Variants in CLEC4A observed in about 807,000 individuals in gnomAD.
CLEC4A encodes C-type (calcium dependent, carbohydrate-recognition domain) lectin, superfamily member 6.
CLEC4A carries 27 observed loss-of-function variants against 32.7 expected under a neutral mutation model. That is an observed-to-expected ratio of 0.83 (90% CI 0.61 to 1.14). The LOEUF is 1.14. Among genes scored for constraint, CLEC4A ranks in the 50% most tolerant of loss-of-function variants. The probability of loss-of-function intolerance (pLI) is 0.00; values close to 1 mark genes in which losing one functional copy is unlikely to be tolerated. For missense variants in CLEC4A, 253 were observed against 274.6 expected, an observed-to-expected ratio of 0.92 and a Z score of 0.55; for synonymous variants, 89 against 93.7, an observed-to-expected ratio of 0.95 and a Z score of 0.29.
the CLEC4A span, among the ~76,000 whole-genome samples, chr12:8,115,777 A>G: frequency 2.0e-5 from 3 of 151,518 alleles, no homozygotes; most frequent in Non-Finnish European, 2.9e-5. Context: ...TAATATACAT[A>G]TATGTCATAT....
intron 5 of CLEC4A, among the ~76,000 whole-genome samples, chr12:8,137,742 C>T (rs2120648777): frequency 6.6e-6 from 1 of 152,040 alleles, no homozygotes; most frequent in Non-Finnish European, 1.5e-5. Flanking sequence ...TACTAGTTCT[C>T]TAGACTTTAA....
At chr12:8,110,239 C>T in the CLEC4A span, among the ~76,000 whole-genome samples, 493 of 152,114 alleles carry the variant, frequency 3.2e-3, no homozygotes, top group Admixed American at 0.015. Flanking sequence ...AATTCTTACC[C>T]TCTGGGGTGA....
intron 5 of CLEC4A, 90 bp from the exon 6 acceptor site, chr12:8,138,050 T>C (rs112761093): frequency 7.1e-7 from 1 of 1,413,488 alleles, no homozygotes; most frequent in Non-Finnish European, 9.5e-7. Flanking sequence ...CTATGTTCCA[T>C]GAAATTCATC....
At chr12:8,134,855 G>A (rs746470886) in intron 3 of CLEC4A, 60 of 1,536,220 alleles carry the variant, frequency 3.9e-5, no homozygotes, top group Non-Finnish European at 5.1e-5. Context: ...CCGCCATGGG[G>A]AAGGAAGGCG....
At chr12:8,121,550 C>T (rs1947830691), upstream of CLEC4A, 1 of 152,442 alleles carries the variant, frequency 6.6e-6, no homozygotes, top group South Asian at 2.1e-4. Context: ...AGGGTATTGG[C>T]TTGACAGTGG....
the CLEC4A span, among the ~76,000 whole-genome samples, chr12:8,116,063 C>T: frequency 2.6e-5 from 4 of 151,918 alleles, no homozygotes; most frequent in African/African-American, 4.8e-5. Context: ...CAGGCTCAAG[C>T]GATTCTTCTG....
chr12:8,135,815 T>C, intron 4 of CLEC4A, 79 bp downstream of exon 4: 1 of 1,479,408 alleles, frequency 6.8e-7, no homozygotes, highest in Admixed American at 2.1e-5. Flanking sequence ...GAGGTTTTTG[T>C]TACTTTGGGA....
chr12:8,128,023 A>G (rs111753019), intron 2 of CLEC4A, among the ~76,000 whole-genome samples: 5 of 152,204 alleles, frequency 3.3e-5, no homozygotes, highest in African/African-American at 1.2e-4. Context: ...AGTCCTTCAC[A>G]TAGAGGTAGC....
At chr12:8,134,963 T>C in intron 3 of CLEC4A, 1 of 987,482 alleles carries the variant, frequency 1.0e-6, no homozygotes. Flanking sequence ...CTGTATCTTC[T>C]TGTTGAAGCG....
rs144016421 is a variant in CLEC4A, at chr12:8,133,455, G to A, written c.299-2130G>A. Among the ~76,000 whole-genome samples, 6 of 150,890 alleles carry A rather than the reference G, an allele frequency of 4.0e-5. No homozygotes were observed. In the South Asian group the frequency reaches 6.3e-4, roughly 16 times the overall value. ...CTTCATTCTGCTGAGTCCATCCACT[G>A]AGCTTTTTATTTTGGTTATTATATT... On this transcript the variant is annotated intron_variant, in intron 3 of 5. Transcript: ENST00000229332.
chr12:8,129,195 G>C (rs1947951218), intron 2 of CLEC4A, 69 bp from the exon 3 acceptor site: 1 of 979,196 alleles, frequency 1.0e-6, no homozygotes. Flanking sequence ...AAGAATGCAA[G>C]AAAGTAACGA....
intron 3 of CLEC4A, among the ~76,000 whole-genome samples, chr12:8,135,055 T>TTGG (rs1948088584): frequency 1.2e-5 from 1 of 80,096 alleles, no homozygotes; most frequent in Non-Finnish European, 2.6e-5. Context: ...ATCTTTTTTT[T>TTGG]TTTTTTTTTT....
rs1389379274 is a variant in CLEC4A at position 8,135,648 on chromosome 12, C to T, written c.362C>T (p.Ser121Phe). ...KSFSSNCYFI[S>F]TESASWQDSE... ...TTTAGTTCCAACTGCTACTTTATTT[C>T]TACTGAATCAGCATCTTGGCAAGAC... The change falls in exon 4 of 6, where the codon TCT (serine) becomes TTT (phenylalanine). Residue 121 changes from serine to phenylalanine, a missense_variant. Transcript: ENST00000229332. 2 of 1,614,206 alleles carry T rather than the reference C, an allele frequency of 1.2e-6. No homozygotes were observed. Among genetic ancestry groups the T allele is most frequent in the Non-Finnish European group, 1.7e-6 (2 of 1,180,008 alleles).
intron 3 of CLEC4A, chr12:8,133,982 C>T (rs899128144): frequency 1.9e-6 from 3 of 1,608,156 alleles, no homozygotes; most frequent in Non-Finnish European, 2.5e-6. Context: ...TTGTGCATAG[C>T]CACTGCTTGA....
rs1187858911 is a variant in CLEC4A, at chr12:8,135,047, CTTTTTT to C, written c.299-521_299-516del. 1.4e-3 allele frequency among the ~76,000 whole-genome samples: 13 copies of C among 9,020 alleles called. 1 individual carries two copies. The highest frequency in any genetic ancestry group is 3.8e-3 in the African/African-American group (12 of 3,178). The allele number at this position is 9,020 out of a possible 152,430, so 5.9% of individuals were successfully genotyped here. A position where few individuals can be genotyped will look rare whatever the true frequency, so the allele number is the denominator to read the frequency against. ...CAGATAATTCTAACAATTTTATTAT[CTTTTTT>C]TTTTTTTTTTTTTTTTGAGACAGGT... On this transcript the variant is annotated intron_variant, in intron 3 of 5. Coordinates refer to ENST00000229332, the MANE Select transcript of CLEC4A (RefSeq NM_016184.4).
At chr12:8,117,743 A>G in the CLEC4A span, among the ~76,000 whole-genome samples, 1 of 152,184 alleles carries the variant, frequency 6.6e-6, no homozygotes, top group Non-Finnish European at 1.5e-5. Flanking sequence ...GCTTTCAAGT[A>G]TTTATGGTAC....
chr12:8,112,362 T>A, the CLEC4A span, among the ~76,000 whole-genome samples: 2 of 152,302 alleles, frequency 1.3e-5, no homozygotes, highest in African/African-American at 4.8e-5. Context: ...TCAACCCTTG[T>A]CTCCCTTCCT....
At chr12:8,109,945 G>C in the CLEC4A span, among the ~76,000 whole-genome samples, 1 of 152,114 alleles carries the variant, frequency 6.6e-6, no homozygotes, top group Admixed American at 6.5e-5. Context: ...TGATAGAGGA[G>C]AAACGGGGAG....
At chr12:8,131,913 G>A (rs1948004573) in intron 3 of CLEC4A, among the ~76,000 whole-genome samples, 1 of 151,758 alleles carries the variant, frequency 6.6e-6, no homozygotes, top group African/African-American at 2.4e-5. Context: ...GTGTGCTATG[G>A]TGGTTTGCTA....
Sources: allele counts gnomAD v4.1 joint callset (sites outside exome capture counted in the v4.1 genomes callset), GRCh38; gene constraint gnomAD v4.1.1; transcripts MANE v1.5; gene names NCBI Gene and HGNC (gene_info 2026-07-23, HGNC 2026-07-21).